The following CCDC62 variants were observed in gnomAD, a reference collection of about 807,000 sequenced individuals.
CCDC62 encodes the protein coiled-coil domain containing 62, also known as coiled-coil domain-containing protein 62.
Under a neutral mutation model 80.8 loss-of-function variants are expected in CCDC62, and 72 were observed. The ratio of observed to expected loss-of-function variants is 0.89; its 90% confidence interval spans 0.74 to 1.08. The LOEUF is 1.08. CCDC62 is among the 50% of genes least tolerant of loss of function. The probability of loss-of-function intolerance (pLI) is 0.00; values close to 1 mark genes in which losing one functional copy is unlikely to be tolerated. For missense variants in CCDC62, 704 were observed against 809.4 expected (o/e 0.87, Z 1.58); for synonymous variants, 286 against 296.5 (o/e 0.96, Z 0.36).
At chr12:122,780,853 T>G (rs1879812520) in intron 2 of CCDC62, among the ~76,000 whole-genome samples, 1 of 152,094 alleles carries the variant, frequency 6.6e-6, no homozygotes, top group Non-Finnish European at 1.5e-5. Flanking sequence ...AGCTATAATT[T>G]TGAGGCATGC....
At chr12:122,774,883 AT>A (rs1490020724) in intron 1 of CCDC62, among the ~76,000 whole-genome samples, 177 bp downstream of exon 1, 1 of 151,454 alleles carries the variant, frequency 6.6e-6, no homozygotes. Flanking sequence ...AGGTCAGGAG[AT>A]CGAGACCATC....
chr12:122,788,837 AT>A lies in CCDC62; in HGVS notation c.579del (p.Asp193GlufsTer10). 2 of 1,611,714 alleles carry A rather than the reference AT, an allele frequency of 1.2e-6. No individual in the cohort carries two copies. Among genetic ancestry groups the A allele is most frequent in the Non-Finnish European group, 1.7e-6 (2 of 1,179,294 alleles). On this transcript the variant is annotated frameshift_variant, in exon 5 of 13. Coordinates refer to ENST00000253079, the MANE Select transcript of CCDC62 (RefSeq NM_201435.5). LOFTEE classifies it high-confidence loss of function. ...KFKMLEHALR[D>X]AKMAETCIVK... Reference sequence around the variant, plus strand: ...AAAATGCTAGAGCATGCCCTACGTGATGCCAAGATGGCGGAGACTTGTATTG... The same window carrying A: ...AAAATGCTAGAGCATGCCCTACGTGAGCCAAGATGGCGGAGACTTGTATTG...
At chr12:122,818,494 C>G (rs940745457) in intron 11 of CCDC62, among the ~76,000 whole-genome samples, 2 of 151,070 alleles carry the variant, frequency 1.3e-5, no homozygotes, top group African/African-American at 4.9e-5. Flanking sequence ...CGTGGTGACC[C>G]ATGACTGTAG....
chr12:122,774,848 G>GGGAGGC (rs1879315601), intron 1 of CCDC62, 142 bp downstream of exon 1: 2 of 484,058 alleles, frequency 4.1e-6, no homozygotes, highest in Non-Finnish European at 6.3e-6. Flanking sequence ...CCAGCGCTTT[G>GGGAGGC]GGAGGCGGAG....
chr12:122,794,347 A>G (rs2030808422), intron 6 of CCDC62, among the ~76,000 whole-genome samples: 1 of 151,998 alleles, frequency 6.6e-6, no homozygotes, highest in Admixed American at 6.6e-5. Context: ...GGCACATGCC[A>G]TCACACATGC....
At chr12:122,781,888 A>G (rs1369937678) in intron 3 of CCDC62, among the ~76,000 whole-genome samples, 1 of 151,312 alleles carries the variant, frequency 6.6e-6, no homozygotes, top group Non-Finnish European at 1.5e-5. Flanking sequence ...AAGAAGAAAT[A>G]CAAAAATGAG....
At chr12:122,810,396 G>A (rs528059928) in intron 10 of CCDC62, among the ~76,000 whole-genome samples, 25 of 152,346 alleles carry the variant, frequency 1.6e-4, no homozygotes, top group African/African-American at 5.3e-4. Context: ...AGACATTTAT[G>A]CAGCCAACAG....
At chr12:122,797,633 T>A (rs1330433096) in intron 7 of CCDC62, among the ~76,000 whole-genome samples, 1 of 152,052 alleles carries the variant, frequency 6.6e-6, no homozygotes, top group Non-Finnish European at 1.5e-5. Context: ...CTCCACCTCC[T>A]AGTTACAAGC....
At chr12:122,795,565 A>G (rs1269609325) in intron 6 of CCDC62, among the ~76,000 whole-genome samples, 5 of 152,026 alleles carry the variant, frequency 3.3e-5, no homozygotes, top group Non-Finnish European at 5.9e-5. Context: ...CTGGGACTAC[A>G]GGCGCCCGCC....
chr12:122,801,060 A>G (rs867520870), intron 8 of CCDC62, 64 bp from the exon 9 acceptor site: 1 of 1,498,506 alleles, frequency 6.7e-7, no homozygotes, highest in African/African-American at 1.4e-5. Context: ...TTTGGGTGAA[A>G]TGTTTAGAAT....
intron 12 of CCDC62, 122 bp from the exon 13 acceptor site, chr12:122,826,300 C>A: frequency 5.2e-6 from 2 of 381,234 alleles, no homozygotes; most frequent in Non-Finnish European, 1.0e-5. Context: ...TTTTGCATGT[C>A]CTGATGTTGA....
chr12:122,779,336 T>C (rs755219225), intron 2 of CCDC62, among the ~76,000 whole-genome samples: 7 of 152,164 alleles, frequency 4.6e-5, no homozygotes, highest in Non-Finnish European at 1.0e-4. Flanking sequence ...CAGTTGTCAC[T>C]GCTAGTGTGC....
At chr12:122,799,789 T>C (rs2031180515) in intron 8 of CCDC62, among the ~76,000 whole-genome samples, 1 of 152,182 alleles carries the variant, frequency 6.6e-6, no homozygotes, top group Non-Finnish European at 1.5e-5. Context: ...GCTTAGTAGC[T>C]GCAGCACTGC....
intron 11 of CCDC62, among the ~76,000 whole-genome samples, chr12:122,816,094 G>A (rs1012707037): frequency 1.3e-5 from 2 of 152,180 alleles, no homozygotes; most frequent in Non-Finnish European, 2.9e-5. Context: ...AGCCTAAACA[G>A]GTAGTTGCAG....
At chr12:122,800,146 C>CGCAT (rs1302041642) in intron 8 of CCDC62, among the ~76,000 whole-genome samples, 1 of 149,368 alleles carries the variant, frequency 6.7e-6, no homozygotes, top group Non-Finnish European at 1.5e-5. Flanking sequence ...CACAGGCATG[C>CGCAT]GCCACCATGC....
At chr12:122,798,648 G>C (rs1013628467) in intron 8 of CCDC62, among the ~76,000 whole-genome samples, 3 of 151,852 alleles carry the variant, frequency 2.0e-5, no homozygotes, top group Non-Finnish European at 4.4e-5. Context: ...GGGCGTGTTC[G>C]CGGGTATATG....
intron 10 of CCDC62, among the ~76,000 whole-genome samples, chr12:122,811,813 T>A (rs1456298838): frequency 1.3e-4 from 11 of 87,302 alleles, no homozygotes; most frequent in Non-Finnish European, 2.0e-4. Flanking sequence ...AGAGTGAGAC[T>A]CCATCTGCAA....
intron 5 of CCDC62, among the ~76,000 whole-genome samples, chr12:122,791,039 G>A (rs1459183709): frequency 2.0e-5 from 3 of 152,162 alleles, no homozygotes; most frequent in Non-Finnish European, 4.4e-5. Flanking sequence ...AGGTCATGCT[G>A]GGCTCTGCAG....
At chr12:122,797,783 G>T (rs572396716) in intron 7 of CCDC62, among the ~76,000 whole-genome samples, 1 of 151,618 alleles carries the variant, frequency 6.6e-6, no homozygotes, top group Non-Finnish European at 1.5e-5. Context: ...CTCATGACCC[G>T]CCCACCTCAG....
Sources: allele counts gnomAD v4.1 joint callset (sites outside exome capture counted in the v4.1 genomes callset), GRCh38; gene constraint gnomAD v4.1.1; transcripts MANE v1.5; gene names NCBI Gene and HGNC (gene_info 2026-07-23, HGNC 2026-07-21).